The following MGAT4C variants were observed in gnomAD, a reference collection of about 807,000 sequenced individuals.
MGAT4C encodes the protein MGAT4 family member C, also known as alpha-1,3-mannosyl-glycoprotein 4-beta-N-acetylglucosaminyltransferase C.
In MGAT4C, 19 loss-of-function variants were observed where a neutral mutation model predicts 40.1. The ratio of observed to expected loss-of-function variants is 0.47; its 90% confidence interval spans 0.33 to 0.70. The LOEUF (loss-of-function observed/expected upper bound fraction) is 0.70. Ranked by LOEUF, MGAT4C falls within the 30% of genes least tolerant of loss-of-function variation. The probability of loss-of-function intolerance (pLI) is 0.02; values close to 1 mark genes in which losing one functional copy is unlikely to be tolerated. For synonymous variants in MGAT4C, 181 were observed against 187.1 expected (o/e 0.97, Z 0.27); for missense variants, 491 against 563.2 (o/e 0.87, Z 1.30).
intron 1 of MGAT4C, among the ~76,000 whole-genome samples, chr12:86,747,068 A>T (rs1370991737): frequency 1.3e-5 from 2 of 151,608 alleles, no homozygotes; most frequent in Non-Finnish European, 3.0e-5. Flanking sequence ...TGATGAACTG[A>T]GTTTGAATCT....
At chr12:86,114,985 T>C (rs904960499) in intron 1 of MGAT4C, among the ~76,000 whole-genome samples, 1 of 151,944 alleles carries the variant, frequency 6.6e-6, no homozygotes, top group African/African-American at 2.4e-5. Flanking sequence ...ACAGAATTCA[T>C]CTGTTTTACT....
At chr12:86,729,060 A>G (rs1423188351) in intron 1 of MGAT4C, among the ~76,000 whole-genome samples, 1 of 152,232 alleles carries the variant, frequency 6.6e-6, no homozygotes, top group Non-Finnish European at 1.5e-5. Flanking sequence ...TAACAAGACT[A>G]AAGTGATTTT....
chr12:86,592,954 T>A (rs1322677607), intron 2 of MGAT4C, among the ~76,000 whole-genome samples: 2 of 152,170 alleles, frequency 1.3e-5, no homozygotes, highest in East Asian at 1.9e-4. Flanking sequence ...CACAAAGTAA[T>A]CAGTAGTATC....
chr12:86,490,722 C>T (rs1299047095), intron 2 of MGAT4C, among the ~76,000 whole-genome samples: 1 of 151,688 alleles, frequency 6.6e-6, no homozygotes, highest in Admixed American at 6.6e-5. Flanking sequence ...GGAAGATCTA[C>T]CAAGAAAATG....
chr12:86,405,444 T>G (rs1330911857), intron 3 of MGAT4C, among the ~76,000 whole-genome samples: 1 of 152,008 alleles, frequency 6.6e-6, no homozygotes, highest in African/African-American at 2.4e-5. Flanking sequence ...CAGACTTGTA[T>G]GCTGAAAACT....
chr12:86,259,873 A>G (rs949302202), upstream of MGAT4C, among the ~76,000 whole-genome samples: 4 of 151,462 alleles, frequency 2.6e-5, no homozygotes, highest in Non-Finnish European at 5.9e-5. Flanking sequence ...CATAAAGCAT[A>G]CAACACTAGA....
chr12:86,140,080 C>G (rs1253767945), intron 1 of MGAT4C, among the ~76,000 whole-genome samples: 1 of 152,132 alleles, frequency 6.6e-6, no homozygotes, highest in Non-Finnish European at 1.5e-5. Context: ...TATGTCTATA[C>G]TGGCCTTAAA....
At chr12:86,668,336 TAA>T (rs1430761600) in intron 2 of MGAT4C, among the ~76,000 whole-genome samples, 2 of 152,144 alleles carry the variant, frequency 1.3e-5, no homozygotes, top group African/African-American at 4.8e-5. Context: ...GTCTGGCAGA[TAA>T]AAGTTAGTGA....
chr12:86,391,331 A>C (rs1956156631), intron 3 of MGAT4C, among the ~76,000 whole-genome samples: 1 of 152,224 alleles, frequency 6.6e-6, no homozygotes, highest in African/African-American at 2.4e-5. Context: ...AACACAGGAC[A>C]GTTGTGCCAA....
intron 4 of MGAT4C, among the ~76,000 whole-genome samples, chr12:86,324,026 A>C (rs908615055): frequency 6.6e-6 from 1 of 152,092 alleles, no homozygotes; most frequent in East Asian, 1.9e-4. Context: ...AACTTCAATT[A>C]GTTTTATTTT....
intron 2 of MGAT4C, among the ~76,000 whole-genome samples, chr12:86,692,748 C>G (rs1309676189): frequency 6.6e-6 from 1 of 152,114 alleles, no homozygotes; most frequent in African/African-American, 2.4e-5. Context: ...TCCACCTATA[C>G]AGTCTTGGTT....
At chr12:86,778,024 A>G (rs944220956) in intron 1 of MGAT4C, among the ~76,000 whole-genome samples, 1 of 152,202 alleles carries the variant, frequency 6.6e-6, no homozygotes, top group Non-Finnish European at 1.5e-5. Flanking sequence ...AGATAAATAC[A>G]GCCTAGAGAT....
intron 2 of MGAT4C, among the ~76,000 whole-genome samples, chr12:86,631,631 C>A (rs1963047626): frequency 6.6e-6 from 1 of 151,894 alleles, no homozygotes; most frequent in African/African-American, 2.4e-5. Context: ...CTTTGACAAA[C>A]CTGACAAAAA....
intron 2 of MGAT4C, among the ~76,000 whole-genome samples, chr12:86,523,247 T>C (rs925849574): frequency 6.6e-6 from 1 of 152,142 alleles, no homozygotes; most frequent in African/African-American, 2.4e-5. Flanking sequence ...ATTTCCCTCT[T>C]AATACTGCCT....
chr12:86,678,084 T>C (rs183144296), intron 2 of MGAT4C, among the ~76,000 whole-genome samples: 6 of 152,242 alleles, frequency 3.9e-5, no homozygotes, highest in Non-Finnish European at 7.4e-5. Context: ...GATTTGCTGA[T>C]ACAACCACCA....
intron 1 of MGAT4C, among the ~76,000 whole-genome samples, chr12:86,064,422 G>T (rs1291284370): frequency 1.3e-5 from 2 of 151,972 alleles, no homozygotes; most frequent in African/African-American, 2.4e-5. Context: ...AAGCAAAACT[G>T]CACAACTACA....
chr12:86,549,641 T>A (rs1285134385), intron 2 of MGAT4C, among the ~76,000 whole-genome samples: 1 of 152,186 alleles, frequency 6.6e-6, no homozygotes, highest in Non-Finnish European at 1.5e-5. Flanking sequence ...ACTAGTATTA[T>A]TTTGTGGGTA....
intron 2 of MGAT4C, among the ~76,000 whole-genome samples, chr12:86,682,788 TAAC>T: frequency 6.6e-6 from 1 of 152,230 alleles, no homozygotes; most frequent in African/African-American, 2.4e-5. Context: ...ATATATTTTA[TAAC>T]AAAGTAACCT....
intron 2 of MGAT4C, among the ~76,000 whole-genome samples, chr12:86,662,853 C>T (rs1223609938): frequency 5.3e-5 from 8 of 152,022 alleles, no homozygotes; most frequent in East Asian, 1.9e-4. Flanking sequence ...TTCATTAATT[C>T]GTGTCAAAAA....
Sources: gnomAD v4.1 joint callset for allele counts (sites outside exome capture counted in the v4.1 genomes callset) on GRCh38, gnomAD v4.1.1 for gene constraint, MANE v1.5 for transcripts, NCBI Gene and HGNC (gene_info 2026-07-23, HGNC 2026-07-21) for gene names.